Variants in DMD observed in about 807,000 individuals in gnomAD.
DMD encodes dystrophin, also known as mutant dystrophin.
DMD carries 63 observed loss-of-function variants against 330.1 expected under a neutral mutation model. The observed-to-expected ratio is 0.19, with a 90% CI of 0.16 to 0.24. The LOEUF is 0.24. DMD is among the 10% of genes least tolerant of loss of function. The probability of loss-of-function intolerance (pLI) is 1.00; values close to 1 mark genes in which losing one functional copy is unlikely to be tolerated. For synonymous variants in DMD, 1,223 were observed against 959.8 expected (o/e 1.27, Z -5.07); for missense variants, 3,344 against 2,684.1 (o/e 1.25, Z -5.43).
Position 32,870,958 on chromosome X carries a change from C to CAAAAAA in DMD, c.94-21144_94-21139dup, listed in dbSNP as rs745583714. On this transcript the variant is annotated intron_variant, in intron 2 of 78. Transcript: ENST00000357033. ...ATAGAACTAAAAGGCTTCTGTACAG[C>CAAAAAA]AAAAAAAAAAAAAAAAAAAAAAAAA... Among the ~76,000 whole-genome samples the CAAAAAA allele has an allele frequency of 1.6e-3, 23 of 14,752 alleles. 1 individual carries two copies. The highest frequency in any genetic ancestry group is 3.7e-3 in the African/African-American group (15 of 4,015). 12.8% of individuals were successfully genotyped at this position (14,752 alleles called of 115,157 possible).
At chrX:31,635,027 G>T (rs778200075) in intron 54 of DMD, among the ~76,000 whole-genome samples, 4 of 111,250 alleles carry the variant, frequency 3.6e-5, no homozygotes, top group Non-Finnish European at 7.6e-5. Context: ...TATTTGGAGA[G>T]GTTGAAATAT....
rs763233473 is a variant in DMD at position 32,956,277 on chromosome X, A to T, written c.93+63862T>A. Among the ~76,000 whole-genome samples the T allele has an allele frequency of 3.6e-5, 4 of 111,839 alleles. No individual in the cohort carries two copies. In the South Asian group the frequency reaches 1.5e-3, roughly 41 times the overall value. The stretch of plus-strand genomic sequence containing the variant: ...GTTGAGCAGTGTGGCCATTTTAATG[A>T]TATTGATTCTTCCTATCCATGAACA... On this transcript the variant is annotated intron_variant, in intron 2 of 78. Coordinates refer to ENST00000357033, the MANE Select transcript of DMD (RefSeq NM_004006.3).
chrX:31,358,127 C>T (rs1042230912), intron 60 of DMD, among the ~76,000 whole-genome samples: 1 of 107,766 alleles, frequency 9.3e-6, no homozygotes, highest in African/African-American at 3.4e-5. Context: ...TTCCCTCATT[C>T]CCCCTCACCC....
At chrX:32,763,619 T>G (rs761982602) in intron 7 of DMD, among the ~76,000 whole-genome samples, 1 of 111,709 alleles carries the variant, frequency 9.0e-6, no homozygotes, top group Non-Finnish European at 1.9e-5. Flanking sequence ...AAGTAAAAAT[T>G]TTCACAATCA....
chrX:32,918,011 C>T (rs942388718), intron 2 of DMD, among the ~76,000 whole-genome samples: 11 of 109,607 alleles, frequency 1.0e-4, no homozygotes, highest in African/African-American at 3.7e-4. Context: ...GAAAAGGGTT[C>T]ACTTCCAGAT....
intron 17 of DMD, among the ~76,000 whole-genome samples, chrX:32,524,401 C>G (rs970713617): frequency 1.8e-5 from 2 of 111,955 alleles, no homozygotes; most frequent in African/African-American, 6.5e-5. Flanking sequence ...AGAACAGAGA[C>G]GAGAATGCAT....
At chrX:32,679,732 T>C (rs1243336180) in intron 9 of DMD, among the ~76,000 whole-genome samples, 2 of 108,768 alleles carry the variant, frequency 1.8e-5, no homozygotes, top group Non-Finnish European at 3.8e-5. Flanking sequence ...ATAGAAGTTT[T>C]AATTGGCAAA....
intron 43 of DMD, among the ~76,000 whole-genome samples, chrX:32,247,246 G>T (rs1248805570): frequency 9.0e-6 from 1 of 111,292 alleles, no homozygotes; most frequent in Non-Finnish European, 1.9e-5. Context: ...TTCCTCCATT[G>T]CTCTTTATAT....
At chrX:31,757,561 A>G (rs1240785197) in intron 51 of DMD, among the ~76,000 whole-genome samples, 2 of 111,267 alleles carry the variant, frequency 1.8e-5, no homozygotes, top group East Asian at 5.7e-4. Flanking sequence ...CAGCAGATTC[A>G]TTGTCTGGTG....
intron 63 of DMD, among the ~76,000 whole-genome samples, chrX:31,227,206 G>A (rs990519234): frequency 1.5e-4 from 17 of 110,830 alleles, no homozygotes; most frequent in African/African-American, 4.3e-4. Context: ...TGGTCTAAAT[G>A]AGGTCACAAG....
intron 44 of DMD, among the ~76,000 whole-genome samples, chrX:32,107,360 GTGTGTGTGTGTGTCTC>G (rs2096569045): frequency 2.0e-5 from 2 of 98,626 alleles, no homozygotes; most frequent in African/African-American, 9.1e-5. Context: ...GTGTGTGTGT[GTGTGTGTGTGTGTCTC>G]TGTGTGTGTT....
chrX:32,792,742 G>C (rs1175752199), intron 7 of DMD, among the ~76,000 whole-genome samples: 5 of 111,870 alleles, frequency 4.5e-5, no homozygotes, highest in Non-Finnish European at 9.4e-5. Flanking sequence ...ATGATAAAGG[G>C]ATAAGTTTAG....
At chrX:32,243,883 T>C (rs911197284) in intron 43 of DMD, among the ~76,000 whole-genome samples, 6 of 111,238 alleles carry the variant, frequency 5.4e-5, no homozygotes, top group Non-Finnish European at 7.6e-5. Flanking sequence ...TATTAGTTTA[T>C]ATAAAATTTT....
rs2097362157 is a variant in DMD at position 32,270,703 on chromosome X, C to T, written c.6290+16826G>A. On this transcript the variant is annotated intron_variant, in intron 43 of 78. Transcript: ENST00000357033. ...TTACCCTTCTGAGATCTTTAGAACTCAGCCATGGAGGAATGTGCCCCAAAT... is the reference window on the plus strand; with the variant it reads ...TTACCCTTCTGAGATCTTTAGAACTTAGCCATGGAGGAATGTGCCCCAAAT... Among the ~76,000 whole-genome samples the T allele has an allele frequency of 3.6e-5, 4 of 111,642 alleles. No individual in the cohort carries two copies. The South Asian group carries it at 1.5e-3, about 41-fold the overall frequency.
intron 3 of DMD, among the ~76,000 whole-genome samples, chrX:32,849,419 G>C (rs2149012444): frequency 9.0e-6 from 1 of 111,591 alleles, no homozygotes; most frequent in Admixed American, 9.6e-5. Context: ...ATACACAAAA[G>C]TACAAAGATA....
At chrX:31,708,827 C>T (rs1461048158) in intron 52 of DMD, among the ~76,000 whole-genome samples, 1 of 112,210 alleles carries the variant, frequency 8.9e-6, no homozygotes, top group Non-Finnish European at 1.9e-5. Context: ...TACTCAGTTT[C>T]CATCCCTGTT....
chrX:32,855,830 A>T (rs1237289668), intron 2 of DMD, among the ~76,000 whole-genome samples: 4 of 112,004 alleles, frequency 3.6e-5, no homozygotes, highest in Non-Finnish European at 7.5e-5. Flanking sequence ...ACATCAAGTT[A>T]AAAAGCTTCT....
chrX:31,668,682 C>G (rs2081571910), intron 53 of DMD, among the ~76,000 whole-genome samples: 1 of 110,875 alleles, frequency 9.0e-6, no homozygotes, highest in African/African-American at 3.3e-5. Context: ...CTATGGTCAC[C>G]AGGTTGTGTC....
chrX:32,386,406 T>C lies in DMD; in HGVS notation c.4578A>G (p.Gly1526=). The C allele has an allele frequency of 8.3e-7, 1 of 1,208,098 alleles. No individual in the cohort carries two copies. The highest frequency in any genetic ancestry group is 1.8e-5 in the South Asian group (1 of 56,920). ...TCTGCTTTTTCTGTACAATCTGACG[T>C]CCAGTCTTTATCACCATTTCCACTT... The part of the protein sequence containing the change: ...KSEVEMVIKT[G]RQIVQKKQTE... Residue 1526 remains glycine (G), a synonymous_variant, in exon 33 of 79, where the codon GGA becomes GGG. Transcript: ENST00000357033.
Sources: allele counts gnomAD v4.1 joint callset (sites outside exome capture counted in the v4.1 genomes callset), GRCh38; gene constraint gnomAD v4.1.1; transcripts MANE v1.5; gene names NCBI Gene and HGNC (gene_info 2026-07-23, HGNC 2026-07-21).